AKNA: variants seen among roughly 807,000 people sequenced by gnomAD.
AKNA encodes the protein microtubule organization protein AKNA.
Under a neutral mutation model 138.8 loss-of-function variants are expected in AKNA, and 67 were observed. That is an observed-to-expected ratio of 0.48 (90% CI 0.40 to 0.59). The LOEUF (loss-of-function observed/expected upper bound fraction) is 0.59, where lower values mean the gene tolerates loss of function less well. Among genes scored for constraint, AKNA ranks in the 20% least tolerant of loss-of-function variants. The probability of loss-of-function intolerance (pLI) is 0.00; values close to 1 mark genes in which losing one functional copy is unlikely to be tolerated. For synonymous variants in AKNA, 737 were observed against 754.4 expected, an observed-to-expected ratio of 0.98 and a Z score of 0.38; for missense variants, 1,813 against 1,880.4, an observed-to-expected ratio of 0.96 and a Z score of 0.66.
chr9:114,336,820 G>A lies in AKNA; in HGVS notation c.*234C>T, dbSNP rs1323607628. The A allele has an allele frequency of 8.8e-6, 4 of 455,960 alleles. No individual in the cohort carries two copies. The highest frequency in any genetic ancestry group is 1.5e-5 in the Non-Finnish European group (4 of 267,366). 28.2% of individuals were successfully genotyped at this position (455,960 alleles called of 1,614,324 possible). A position where few individuals can be genotyped will look rare whatever the true frequency, so the allele number is the denominator to read the frequency against. On this transcript the variant is annotated 3_prime_UTR_variant, in exon 22 of 22. Coordinates refer to ENST00000374088, the MANE Select transcript of AKNA (RefSeq NM_001317950.2). ...TGGACCGAAGGAGGCCTCGCTCACA[G>A]CACCTCTGTGAGGGGACTGGTGCTC... is the stretch of plus-strand genomic sequence containing the variant.
Position 114,343,584 on chromosome 9 carries a change from G to C in AKNA, c.3757+124C>G, listed in dbSNP as rs554313721. The C allele has an allele frequency of 1.8e-4, 174 of 969,712 alleles. 2 individuals are homozygous for C. The East Asian group carries it at 4.4e-3, about 25-fold the overall frequency. 60.1% of individuals were successfully genotyped at this position (969,712 alleles called of 1,614,324 possible). A position where few individuals can be genotyped will look rare whatever the true frequency, so the allele number is the denominator to read the frequency against. ...ACACCCAGAAAAATCCTCTTCCCTG[G>C]TCTGTCCCTATAACCCACTGCTAAG... On this transcript the variant is annotated intron_variant, in intron 19 of 21. Transcript: ENST00000374088.
At chr9:114,391,947 C>T (rs1171292997), upstream of AKNA, among the ~76,000 whole-genome samples, 5 of 150,172 alleles carry the variant, frequency 3.3e-5, no homozygotes, top group African/African-American at 9.8e-5. Flanking sequence ...ACCCTTTTAC[C>T]AGCAACAGTC....
At chr9:114,347,993 C>T (rs1005765867) in intron 15 of AKNA, 93 bp from the exon 16 acceptor site, 21 of 1,385,328 alleles carry the variant, frequency 1.5e-5, no homozygotes, top group Non-Finnish European at 2.0e-5. Flanking sequence ...AGCCTTTGTC[C>T]CTTCACAGCA....
chr9:114,374,568 C>A (rs1381984240), intron 3 of AKNA, among the ~76,000 whole-genome samples: 1 of 152,200 alleles, frequency 6.6e-6, no homozygotes, highest in Non-Finnish European at 1.5e-5. Flanking sequence ...GTTTAAGAAG[C>A]ATGTGCTTAA....
At chr9:114,391,113 AC>A (rs1834322786), upstream of AKNA, among the ~76,000 whole-genome samples, 1 of 152,156 alleles carries the variant, frequency 6.6e-6, no homozygotes, top group African/African-American at 2.4e-5. Context: ...TGATGTGACA[AC>A]CCCATTTCAC....
chr9:114,374,227 T>C, intron 3 of AKNA, 60 bp from the exon 4 acceptor site: 1 of 1,492,544 alleles, frequency 6.7e-7, no homozygotes. Flanking sequence ...CCCTCCTTGC[T>C]GGGAGACCCT....
intron 15 of AKNA, among the ~76,000 whole-genome samples, chr9:114,350,444 G>A (rs1015167919): frequency 6.6e-5 from 10 of 152,190 alleles, no homozygotes; most frequent in African/African-American, 2.4e-4. Flanking sequence ...CAAGGAAGTG[G>A]AACTTTCTTA....
At position 114,377,300 on chromosome 9, in the gene AKNA, C is replaced by A. The variant is rs1451720540; in HGVS notation, c.507G>T (p.Arg169Ser). The A allele has an allele frequency of 1.2e-6, 2 of 1,614,142 alleles. No homozygotes were observed. The highest frequency in any genetic ancestry group is 1.3e-5 in the African/African-American group (1 of 75,064). ...CTTGTTCGCCAGAAGCCACCCAGCC[C>A]CTGGCCTGACCATGCCCAAGAGCCA... Reference protein sequence around the residue: ...SPMALGHGQARGWVASGEQAS... With the variant: ...SPMALGHGQASGWVASGEQAS... Residue 169 changes from arginine (R) to serine (S), a missense_variant, in exon 3 of 22, where the codon AGG (arginine) becomes AGT (serine). Coordinates refer to ENST00000374088, the MANE Select transcript of AKNA (RefSeq NM_001317950.2).
chr9:114,349,577 G>A (rs1176442314), intron 15 of AKNA, among the ~76,000 whole-genome samples: 1 of 152,094 alleles, frequency 6.6e-6, no homozygotes, highest in African/African-American at 2.4e-5. Flanking sequence ...CCCTGCCGGT[G>A]GCCAGAGAAC....
At chr9:114,395,988 C>T (rs1363311899), upstream of AKNA, among the ~76,000 whole-genome samples, 1 of 152,146 alleles carries the variant, frequency 6.6e-6, no homozygotes. Flanking sequence ...AGTGGCTTTA[C>T]CTCTCTGAAC....
rs139873776 is a variant in AKNA, at chr9:114,355,945, C to T, written c.3038G>A (p.Arg1013Gln). The T allele has an allele frequency of 5.3e-5, 86 of 1,614,026 alleles. No homozygotes were observed. In the East Asian group the frequency reaches 7.4e-4, roughly 14 times the overall value. The change falls in exon 14 of 22, where the codon CGG becomes CAG. Residue 1013 changes from arginine to glutamine, a missense_variant. Transcript: ENST00000374088. ...CTCACCCATCTCGGCTGCCAGTGTC[C>T]GCTCCAGGCTGAAGTTGGGTGCCCT... is the stretch of plus-strand genomic sequence containing the variant. ...RQRAPNFSLE[R>Q]TLAAEMAVPG...
chr9:114,362,471 C>T lies in AKNA; in HGVS notation c.1851G>A (p.Arg617=), dbSNP rs755682286. 3.7e-6 allele frequency: 6 copies of T among 1,613,158 alleles called. No individual in the cohort carries two copies. In the South Asian group the frequency reaches 6.6e-5, roughly 18 times the overall value. Residue 617 remains arginine (R), a synonymous_variant, in exon 8 of 22, where the codon CGG becomes CGA. Transcript: ENST00000374088. ...ALEEEYLKAC[R]EQHPAQPLAG... is the part of the protein sequence containing the mutation. ...CAAGCGGCTGGGCAGGGTGTTGCTC[C>T]CGACAAGCCTTCAGGTACTCCTCCT...
chr9:114,331,879 G>A (rs148221879), downstream of AKNA: 1,014 of 1,613,836 alleles, frequency 6.3e-4, 17 homozygotes, highest in African/African-American at 0.011. Context: ...CGAAGCTCTC[G>A]ACTGCTTGTG....
chr9:114,361,905 C>T lies in AKNA; in HGVS notation c.1923G>A (p.Leu641=). 1 of 1,601,786 alleles carries T rather than the reference C, an allele frequency of 6.2e-7. No homozygotes were observed. Among genetic ancestry groups the T allele is most frequent in the Non-Finnish European group, 8.5e-7 (1 of 1,179,936 alleles). ...TTCCCAGACGGTATATCTCTGCCTC[C>T]AGCTCCCTGGAATGCAGAAACATTA... ...TPGRFDPRRE[L]EAEIYRLGSC... is the part of the protein sequence containing the mutation. The change falls in exon 9 of 22, where the codon CTG becomes CTA. Residue 641 remains leucine, a synonymous_variant. Transcript: ENST00000374088.
At chr9:114,364,192 G>T (rs961335908) in intron 7 of AKNA, among the ~76,000 whole-genome samples, 1 of 151,918 alleles carries the variant, frequency 6.6e-6, no homozygotes. Flanking sequence ...GACAGACCTG[G>T]CTCCAGGTTC....
chr9:114,350,975 C>A lies in AKNA; in HGVS notation c.3105G>T (p.Gln1035His), dbSNP rs766579850. The A allele has an allele frequency of 5.0e-6, 8 of 1,613,580 alleles. No homozygotes were observed. The East Asian group carries it at 1.8e-4, about 36-fold the overall frequency. Residue 1035 changes from glutamine (Q) to histidine (H), a missense_variant, in exon 15 of 22, where the codon CAG (glutamine) becomes CAT (histidine). Gln to His is a conservative substitution (Grantham distance 24, BLOSUM62 0). Coordinates refer to ENST00000374088, the MANE Select transcript of AKNA (RefSeq NM_001317950.2). ...GGCTGATTGTCTTGTTGGGAAGGGG[C>A]TGTTCAGAAATCCGTTTGTGCCCCT... ...EFEGHKRISE[Q>H]PLPNKTISPP...
chr9:114,369,796 TACCATC>T lies in AKNA; in HGVS notation c.1417-1207_1417-1202del, dbSNP rs1832635058. Among the ~76,000 whole-genome samples, 2 of 151,730 alleles carry T rather than the reference TACCATC, an allele frequency of 1.3e-5. 1 individual carries two copies. Among genetic ancestry groups the T allele is most frequent in the Non-Finnish European group, 2.9e-5 (2 of 67,924 alleles). On this transcript the variant is annotated intron_variant, in intron 4 of 21. Transcript: ENST00000374088. The stretch of plus-strand genomic sequence containing the variant: ...TACCATCACCATCATTCACCATCAT[TACCATC>T]ACCATCACTATCACCATTATCACCA...
At chr9:114,370,649 GGGATTCTGTGAAAGGTGAATCA>G (rs1832707898) in intron 4 of AKNA, among the ~76,000 whole-genome samples, 2 of 152,204 alleles carry the variant, frequency 1.3e-5, no homozygotes, top group Non-Finnish European at 2.9e-5. Flanking sequence ...ACTCCCTTGG[GGGATTCTGTGAAAGGTGAATCA>G]GGATTCTGTG....
Position 114,342,074 on chromosome 9 carries a change from T to A in AKNA, c.3809A>T (p.Gln1270Leu). The change falls in exon 20 of 22, where the codon CAG becomes CTG. Residue 1270 changes from glutamine to leucine, a missense_variant. Physicochemically the swap from Gln to Leu is moderately radical, Grantham distance 113 (BLOSUM62 -2). Coordinates refer to ENST00000374088, the MANE Select transcript of AKNA (RefSeq NM_001317950.2). Reference sequence around the variant, plus strand: ...CCCAACTTGACCACACAGGGGACACTGAAGGGTATCAGCGGGAGGCGGTCC... The same window carrying A: ...CCCAACTTGACCACACAGGGGACACAGAAGGGTATCAGCGGGAGGCGGTCC... The part of the protein sequence containing the change: ...PLGPPPADTL[Q>L]CPLCGQVGSP... 1 of 1,613,164 alleles carries A rather than the reference T, an allele frequency of 6.2e-7. No individual in the cohort carries two copies. Among genetic ancestry groups the A allele is most frequent in the Non-Finnish European group, 8.5e-7 (1 of 1,179,648 alleles).
Sources: gnomAD v4.1 joint callset for allele counts (sites outside exome capture counted in the v4.1 genomes callset) on GRCh38, gnomAD v4.1.1 for gene constraint, MANE v1.5 for transcripts, NCBI Gene and HGNC (gene_info 2026-07-23, HGNC 2026-07-21) for gene names.